Variants in DCC observed in about 807,000 individuals in gnomAD.
DCC encodes the protein netrin receptor DCC.
In DCC, 58 loss-of-function variants were observed where a neutral mutation model predicts 172.5. That is an observed-to-expected ratio of 0.34 (90% CI 0.27 to 0.42). The LOEUF (loss-of-function observed/expected upper bound fraction) is 0.42. DCC is among the 10% of genes least tolerant of loss of function. DCC has a pLI of 1.00. For missense variants in DCC, 1,740 were observed against 1,791.0 expected, an observed-to-expected ratio of 0.97 and a Z score of 0.51; for synonymous variants, 709 against 644.5, an observed-to-expected ratio of 1.10 and a Z score of -1.52.
chr18:52,598,557 C>T (rs1395126059), intron 1 of DCC, among the ~76,000 whole-genome samples: 2 of 152,074 alleles, frequency 1.3e-5, no homozygotes, highest in Admixed American at 1.3e-4. Context: ...GGGAGGTAAA[C>T]GGTGGCCAGG....
chr18:53,367,948 A>G (rs2058023636), intron 15 of DCC, among the ~76,000 whole-genome samples: 1 of 152,114 alleles, frequency 6.6e-6, no homozygotes. Context: ...ATACTCAGAA[A>G]TGGAATTGCT....
intron 14 of DCC, among the ~76,000 whole-genome samples, chr18:53,326,178 T>C (rs2057466272): frequency 6.6e-6 from 1 of 152,168 alleles, no homozygotes; most frequent in Non-Finnish European, 1.5e-5. Flanking sequence ...TCCTGTGATA[T>C]ACACATAAGC....
chr18:52,855,634 C>A (rs1330852413), intron 2 of DCC, among the ~76,000 whole-genome samples: 1 of 152,132 alleles, frequency 6.6e-6, no homozygotes, highest in Non-Finnish European at 1.5e-5. Flanking sequence ...TAGAAATAAT[C>A]ACTTGTACCT....
intron 17 of DCC, among the ~76,000 whole-genome samples, chr18:53,393,989 A>G (rs1214174655): frequency 6.6e-6 from 1 of 152,114 alleles, no homozygotes. Flanking sequence ...AGAAAGATAT[A>G]AAACAAATTT....
intron 3 of DCC, among the ~76,000 whole-genome samples, chr18:52,918,603 C>T (rs931921508): frequency 2.6e-5 from 4 of 152,040 alleles, no homozygotes; most frequent in Non-Finnish European, 5.9e-5. Flanking sequence ...TTAGAAAATA[C>T]GCAAGAATCC....
intron 24 of DCC, among the ~76,000 whole-genome samples, chr18:53,461,772 C>T (rs1200146243): frequency 6.6e-6 from 1 of 152,186 alleles, no homozygotes; most frequent in Non-Finnish European, 1.5e-5. Context: ...TCCTAACTTC[C>T]TTGTCACTCC....
intron 15 of DCC, among the ~76,000 whole-genome samples, chr18:53,379,048 G>A (rs1907525325): frequency 6.6e-6 from 1 of 152,168 alleles, no homozygotes; most frequent in Non-Finnish European, 1.5e-5. Flanking sequence ...CATCCATATT[G>A]TCTCTCCACC....
intron 1 of DCC, among the ~76,000 whole-genome samples, chr18:52,420,017 G>T (rs1987192885): frequency 6.6e-6 from 1 of 152,180 alleles, no homozygotes; most frequent in African/African-American, 2.4e-5. Flanking sequence ...GGAAGAGGCA[G>T]AGCCAGGAGT....
At chr18:53,393,922 C>CTCTCTCT (rs72364865) in intron 17 of DCC, among the ~76,000 whole-genome samples, 1 of 130,864 alleles carries the variant, frequency 7.6e-6, no homozygotes, top group Non-Finnish European at 1.6e-5. Context: ...TCCCTCTCTC[C>CTCTCTCT]CTCCCTCCCT....
intron 1 of DCC, among the ~76,000 whole-genome samples, chr18:52,477,640 AC>A (rs1221716521): frequency 1.3e-5 from 2 of 152,098 alleles, no homozygotes; most frequent in Non-Finnish European, 2.9e-5. Flanking sequence ...CTTATGCAGA[AC>A]ACTCGCCCAA....
At chr18:52,527,987 A>G (rs1454912785) in intron 1 of DCC, among the ~76,000 whole-genome samples, 1 of 152,162 alleles carries the variant, frequency 6.6e-6, no homozygotes, top group Non-Finnish European at 1.5e-5. Context: ...CTGCCTTTCC[A>G]AAGCCAGAAT....
intron 12 of DCC, among the ~76,000 whole-genome samples, chr18:53,244,488 T>C (rs955776650): frequency 6.6e-5 from 10 of 152,168 alleles, no homozygotes; most frequent in African/African-American, 2.4e-4. Context: ...GTGTGTTGAC[T>C]GGGTTCAGCT....
chr18:53,042,870 AT>A lies in DCC; in HGVS notation c.986-20433del, dbSNP rs560077437. Among the ~76,000 whole-genome samples, 324 of 152,108 alleles carry A rather than the reference AT, an allele frequency of 2.1e-3. 2 individuals are homozygous for A. The highest frequency in any genetic ancestry group is 2.2e-3 in the Non-Finnish European group (149 of 67,936). On this transcript the variant is annotated intron_variant, in intron 5 of 28. Transcript: ENST00000442544. ...TTTTACACTGTTGGTGGGAGTGTAA[AT>A]TAGTTCAACCATTGTTGAAGACAGT...
At chr18:53,388,814 T>C (rs1458704891) in intron 16 of DCC, among the ~76,000 whole-genome samples, 1 of 152,206 alleles carries the variant, frequency 6.6e-6, no homozygotes, top group Non-Finnish European at 1.5e-5. Flanking sequence ...AGATAGGGTC[T>C]CATTCTGTTG....
chr18:53,531,046 G>C lies in DCC; in HGVS notation c.*393G>C, dbSNP rs567525996. Reference sequence around the variant, plus strand: ...TACAAAATGCAAGTGCATTATTTAAGCCTGTACCATGCCATGGCAAACCAG... The same window carrying C: ...TACAAAATGCAAGTGCATTATTTAACCCTGTACCATGCCATGGCAAACCAG... On this transcript the variant is annotated 3_prime_UTR_variant, in exon 29 of 29. Transcript: ENST00000442544. The C allele has an allele frequency of 1.0e-5, 3 of 297,482 alleles. No individual in the cohort carries two copies. In the South Asian group the frequency reaches 1.1e-4, roughly 11 times the overall value. The allele number at this position is 297,482 out of a possible 1,614,324, so 18.4% of individuals were successfully genotyped here.
intron 12 of DCC, among the ~76,000 whole-genome samples, chr18:53,299,948 C>T (rs1258575334): frequency 1.3e-5 from 2 of 152,078 alleles, no homozygotes; most frequent in Non-Finnish European, 2.9e-5. Flanking sequence ...ATGCAGAGTG[C>T]TTAGACCATT....
chr18:53,522,297 G>A (rs909118971), intron 27 of DCC, among the ~76,000 whole-genome samples: 3 of 151,836 alleles, frequency 2.0e-5, no homozygotes, highest in African/African-American at 7.3e-5. Context: ...AAAAAAAATG[G>A]TGTGTGAGTA....
At chr18:52,770,233 T>TC (rs2037318429) in intron 2 of DCC, among the ~76,000 whole-genome samples, 1 of 152,226 alleles carries the variant, frequency 6.6e-6, no homozygotes, top group East Asian at 1.9e-4. Context: ...TATTTTTTTT[T>TC]CACTTCCTTG....
At chr18:53,265,239 G>T (rs1011644392) in intron 12 of DCC, among the ~76,000 whole-genome samples, 1 of 152,176 alleles carries the variant, frequency 6.6e-6, no homozygotes, top group African/African-American at 2.4e-5. Context: ...ACCTGGTTCA[G>T]TATTACAGCA....
Sources: allele counts gnomAD v4.1 joint callset (sites outside exome capture counted in the v4.1 genomes callset), GRCh38; gene constraint gnomAD v4.1.1; transcripts MANE v1.5; gene names NCBI Gene and HGNC (gene_info 2026-07-23, HGNC 2026-07-21).